The following CDC5L variants were observed in gnomAD, a reference collection of about 807,000 sequenced individuals.
CDC5L encodes cell division cycle 5 like.
CDC5L carries 18 observed loss-of-function variants against 104.1 expected under a neutral mutation model. The observed-to-expected ratio is 0.17, with a 90% CI of 0.12 to 0.26. The LOEUF is 0.26. Ranked by LOEUF, CDC5L falls within the 10% of genes least tolerant of loss-of-function variation. The probability of loss-of-function intolerance (pLI) is 1.00; values close to 1 mark genes in which losing one functional copy is unlikely to be tolerated. For missense variants in CDC5L, 673 were observed against 956.9 expected, an observed-to-expected ratio of 0.70 and a Z score of 3.91; for synonymous variants, 331 against 322.7, an observed-to-expected ratio of 1.03 and a Z score of -0.28.
intron 8 of CDC5L, among the ~76,000 whole-genome samples, chr6:44,414,390 G>C (rs1205835481): frequency 8.8e-6 from 1 of 113,184 alleles, no homozygotes; most frequent in Non-Finnish European, 1.9e-5. Context: ...GCCTGTGTGT[G>C]TGTGTGTGTG....
chr6:44,436,677 A>G (rs550976678), intron 14 of CDC5L, among the ~76,000 whole-genome samples: 2 of 152,312 alleles, frequency 1.3e-5, no homozygotes, highest in South Asian at 4.1e-4. Context: ...CCCAGCTATG[A>G]CAGTCATCAA....
chr6:44,441,975 T>G (rs1404568576), intron 14 of CDC5L, among the ~76,000 whole-genome samples: 2 of 145,272 alleles, frequency 1.4e-5, no homozygotes, highest in Non-Finnish European at 3.0e-5. Context: ...CCTCCTTCTG[T>G]CGCCAGGCTG....
chr6:44,425,942 C>A (rs1350826700), intron 11 of CDC5L, among the ~76,000 whole-genome samples, 161 bp from the exon 12 acceptor site: 1 of 151,774 alleles, frequency 6.6e-6, no homozygotes, highest in Non-Finnish European at 1.5e-5. Context: ...TAGACTGATT[C>A]ATTTCTGTTG....
At chr6:44,415,044 C>T (rs1430946631) in intron 8 of CDC5L, among the ~76,000 whole-genome samples, 4 of 152,018 alleles carry the variant, frequency 2.6e-5, no homozygotes, top group Non-Finnish European at 4.4e-5. Flanking sequence ...GTTCTTTTCC[C>T]GTTGTATGTT....
chr6:44,446,657 A>G lies in CDC5L; in HGVS notation c.2355A>G (p.Gln785=), dbSNP rs369374717. The G allele has an allele frequency of 1.9e-5, 30 of 1,597,692 alleles. No homozygotes were observed. The highest frequency in any genetic ancestry group is 2.0e-5 in the Non-Finnish European group (24 of 1,172,692). The stretch of plus-strand genomic sequence containing the variant: ...AACAAGAAAGAGAAAAGGAACTTCA[A>G]CATAGATATGCTGATTTGCTGCTGG... ...QRQQEREKEL[Q]HRYADLLLEK... is the part of the protein sequence containing the mutation. The change falls in exon 16 of 16, where the codon CAA becomes CAG. Residue 785 remains glutamine, a synonymous_variant. Coordinates refer to ENST00000371477, the MANE Select transcript of CDC5L (RefSeq NM_001253.4).
At position 44,426,149 on chromosome 6, in the gene CDC5L, A is replaced by C. The variant is rs1792409025; in HGVS notation, c.1616A>C (p.Lys539Thr). 1 of 1,609,908 alleles carries C rather than the reference A, an allele frequency of 6.2e-7. No homozygotes were observed. Among genetic ancestry groups the C allele is most frequent in the Non-Finnish European group, 8.5e-7 (1 of 1,177,946 alleles). Residue 539 changes from lysine (K) to threonine (T), a missense_variant, in exon 12 of 16, where the codon AAA becomes ACA. Lys to Thr is a moderately conservative substitution (Grantham distance 78). Transcript: ENST00000371477. ...ERVKEMKRMH[K>T]AVQKDLPRPS... is the part of the protein sequence containing the mutation. ...GTAAAGGAAATGAAACGAATGCATA[A>C]AGCTGTCCAGAAAGATCTGCCAAGA...
At chr6:44,399,233 G>A (rs889438712) in intron 5 of CDC5L, among the ~76,000 whole-genome samples, 2 of 152,226 alleles carry the variant, frequency 1.3e-5, no homozygotes, top group African/African-American at 4.8e-5. Context: ...GATTGCAGGT[G>A]TGAGCCACTG....
chr6:44,399,747 G>A (rs1409689914), intron 5 of CDC5L, among the ~76,000 whole-genome samples: 2 of 152,068 alleles, frequency 1.3e-5, no homozygotes, highest in Non-Finnish European at 1.5e-5. Context: ...TCCACCTCCC[G>A]GGTTCACGCC....
intron 14 of CDC5L, among the ~76,000 whole-genome samples, chr6:44,439,927 C>T (rs1031796900): frequency 3.9e-5 from 6 of 152,188 alleles, no homozygotes; most frequent in Non-Finnish European, 5.9e-5. Context: ...GTGACTCACT[C>T]TTACCCCGCT....
chr6:44,445,082 GC>G (rs1793385918), intron 14 of CDC5L, among the ~76,000 whole-genome samples: 1 of 152,274 alleles, frequency 6.6e-6, no homozygotes, highest in African/African-American at 2.4e-5. Flanking sequence ...TCTCTGCACT[GC>G]CCCCAAAGGG....
chr6:44,426,381 T>G (rs113529564), intron 12 of CDC5L, 101 bp from the exon 13 acceptor site: 1 of 845,888 alleles, frequency 1.2e-6, no homozygotes, highest in African/African-American at 1.7e-5. Flanking sequence ...GAAATTGCTT[T>G]TGAAAATGTA....
At chr6:44,430,719 C>T (rs1441708624) in intron 14 of CDC5L, among the ~76,000 whole-genome samples, 5 of 151,742 alleles carry the variant, frequency 3.3e-5, no homozygotes, top group South Asian at 2.1e-4. Flanking sequence ...ACTACAGGCA[C>T]GCCCCACCAC....
chr6:44,387,897 C>T lies in CDC5L; in HGVS notation c.45+29C>T, dbSNP rs148453815. 1.4e-3 allele frequency: 2,161 copies of T among 1,551,992 alleles called. 20 individuals are homozygous for T. In the African/African-American group the frequency reaches 0.025, roughly 18 times the overall value. Reference sequence around the variant, plus strand: ...AGTCTCCTTTTCCCGCCGTCCGCTGCCCGCCGCTCCCTCTAGCAGCTTGTG... The same window carrying T: ...AGTCTCCTTTTCCCGCCGTCCGCTGTCCGCCGCTCCCTCTAGCAGCTTGTG... On this transcript the variant is annotated intron_variant, in intron 1 of 15. Coordinates refer to ENST00000371477, the MANE Select transcript of CDC5L (RefSeq NM_001253.4).
intron 8 of CDC5L, among the ~76,000 whole-genome samples, chr6:44,414,459 T>C (rs1485971590): frequency 6.6e-6 from 1 of 151,458 alleles, no homozygotes; most frequent in African/African-American, 2.4e-5. Flanking sequence ...GCTATTCATC[T>C]TCTTTACTCA....
At chr6:44,389,092 A>G (rs1790483190) in intron 1 of CDC5L, among the ~76,000 whole-genome samples, 1 of 152,198 alleles carries the variant, frequency 6.6e-6, no homozygotes, top group Non-Finnish European at 1.5e-5. Flanking sequence ...AGGACCTAGG[A>G]CAGTAACCAA....
chr6:44,394,600 A>T (rs1790764346), intron 4 of CDC5L, among the ~76,000 whole-genome samples: 2 of 152,084 alleles, frequency 1.3e-5, no homozygotes, highest in African/African-American at 4.8e-5. Flanking sequence ...TCACGCCTGT[A>T]ATCCCAGCAC....
At position 44,392,693 on chromosome 6, in the gene CDC5L, A is replaced by G; in HGVS notation, c.176A>G (p.Lys59Arg). ...TATGAATGGCTGGATCCAAGCATTA[A>G]GAAGACAGAATGGTCCAGAGAAGAA... Reference protein sequence around the residue: ...RWYEWLDPSIKKTEWSREEEE... With the variant: ...RWYEWLDPSIRKTEWSREEEE... Residue 59 changes from lysine to arginine, a missense_variant, in exon 3 of 16, where the codon AAG becomes AGG. Physicochemically the swap from Lys to Arg is conservative, Grantham distance 26. This residue lies in a region of CDC5L where 74 missense variants were observed against 123.5 expected (regional missense o/e 0.60). Transcript: ENST00000371477. 6.2e-7 allele frequency: 1 copy of G among 1,614,134 alleles called. No homozygotes were observed. Among genetic ancestry groups the G allele is most frequent in the Non-Finnish European group, 8.5e-7 (1 of 1,179,972 alleles).
chr6:44,390,573 C>T (rs1249804313), intron 2 of CDC5L, among the ~76,000 whole-genome samples: 2 of 152,274 alleles, frequency 1.3e-5, no homozygotes, highest in East Asian at 3.9e-4. Flanking sequence ...ATCCCTCTCC[C>T]CTGCCCTTGT....
intron 6 of CDC5L, among the ~76,000 whole-genome samples, chr6:44,405,857 G>A (rs1242929412): frequency 6.6e-6 from 1 of 151,614 alleles, no homozygotes; most frequent in East Asian, 1.9e-4. Context: ...GTAAGTAATG[G>A]TGTAGGGGAC....
Sources: gnomAD v4.1 joint callset for allele counts (sites outside exome capture counted in the v4.1 genomes callset) on GRCh38, gnomAD v4.1.1 for gene constraint, gnomAD v4.1.1 regional missense constraint, MANE v1.5 for transcripts, NCBI Gene and HGNC (gene_info 2026-07-23, HGNC 2026-07-21) for gene names.